The following TMTC1 variants were observed in gnomAD, a reference collection of about 807,000 sequenced individuals.
TMTC1 encodes the protein transmembrane O-mannosyltransferase targeting cadherins 1, also known as protein O-mannosyl-transferase TMTC1.
In TMTC1, 73 loss-of-function variants were observed where a neutral mutation model predicts 104.8. That is an observed-to-expected ratio of 0.70 (90% CI 0.58 to 0.85). The LOEUF is 0.85. Among genes scored for constraint, TMTC1 ranks in the 40% least tolerant of loss-of-function variants. TMTC1 has a pLI of 0.00. For missense variants in TMTC1, 1,035 were observed against 1,096.1 expected (o/e 0.94, Z 0.79); for synonymous variants, 434 against 428.7 (o/e 1.01, Z -0.15).
intron 5 of TMTC1, among the ~76,000 whole-genome samples, chr12:29,647,521 G>A (rs925783474): frequency 6.6e-6 from 1 of 152,170 alleles, no homozygotes; most frequent in Non-Finnish European, 1.5e-5. Context: ...GCAACATAGA[G>A]TCCTAGGCTG....
chr12:29,562,679 C>A (rs1945407036), intron 9 of TMTC1, among the ~76,000 whole-genome samples: 1 of 152,140 alleles, frequency 6.6e-6, no homozygotes, highest in Admixed American at 6.5e-5. Flanking sequence ...GAATTCATGT[C>A]TGTGCTTTAG....
intron 5 of TMTC1, among the ~76,000 whole-genome samples, chr12:29,669,640 T>TA (rs1213776113): frequency 6.6e-6 from 1 of 152,210 alleles, no homozygotes; most frequent in Non-Finnish European, 1.5e-5. Flanking sequence ...AAGCATGTGT[T>TA]ACGTTTACTT....
In TMTC1 at chr12:29,679,884, T is replaced by C. The variant is rs189782077; in HGVS notation, c.939-46548A>G. On this transcript the variant is annotated intron_variant, in intron 5 of 17. Transcript: ENST00000539277. ...TATTATGAAATAAAAGAAAAAAACATGAAACAAATGATCCATAATCATAAA... is the reference window on the plus strand; with the variant it reads ...TATTATGAAATAAAAGAAAAAAACACGAAACAAATGATCCATAATCATAAA... 7.4e-4 allele frequency among the ~76,000 whole-genome samples: 113 copies of C among 152,170 alleles called. 1 individual carries two copies. The Middle Eastern group carries it at 0.027, about 37-fold the overall frequency.
intron 6 of TMTC1, 56 bp downstream of exon 6, chr12:29,633,091 A>G: frequency 6.7e-7 from 1 of 1,493,524 alleles, no homozygotes. Flanking sequence ...AGAACATTAT[A>G]GGCATAGAAT....
At chr12:29,644,902 C>T (rs963497769) in intron 5 of TMTC1, among the ~76,000 whole-genome samples, 10 of 152,164 alleles carry the variant, frequency 6.6e-5, no homozygotes, top group Non-Finnish European at 1.3e-4. Context: ...TCCTTCAGGT[C>T]CCAAAGCAGA....
At chr12:29,727,528 C>A (rs1051015614) in intron 5 of TMTC1, among the ~76,000 whole-genome samples, 1 of 152,050 alleles carries the variant, frequency 6.6e-6, no homozygotes, top group African/African-American at 2.4e-5. Context: ...AGGCACCCAC[C>A]ACCACGCCTG....
chr12:29,617,366 C>T (rs907638426), intron 6 of TMTC1, among the ~76,000 whole-genome samples: 1 of 152,094 alleles, frequency 6.6e-6, no homozygotes, highest in Admixed American at 6.5e-5. Context: ...ATTATTCATT[C>T]GTTCAACAGA....
At position 29,719,334 on chromosome 12, in the gene TMTC1, CT is replaced by C. The variant is rs200395775; in HGVS notation, c.938+32331del. Among the ~76,000 whole-genome samples the C allele has an allele frequency of 8.1e-3, 1,238 of 152,242 alleles. 9 individuals are homozygous for C. The highest frequency in any genetic ancestry group is 0.024 in the Middle Eastern group (7 of 294). On this transcript the variant is annotated intron_variant, in intron 5 of 17. Transcript: ENST00000539277. ...TCTTGGAATTTCTTCTTTGTGAATACTTGGATGCCTGGGTTGCATTATATGA... is the reference window on the plus strand; with the variant it reads ...TCTTGGAATTTCTTCTTTGTGAATACTGGATGCCTGGGTTGCATTATATGA...
At chr12:29,737,544 C>T (rs1942713073) in intron 5 of TMTC1, among the ~76,000 whole-genome samples, 1 of 151,930 alleles carries the variant, frequency 6.6e-6, no homozygotes, top group Admixed American at 6.6e-5. Context: ...AAAAAAAGGG[C>T]GGCGGGAGGG....
At position 29,584,735 on chromosome 12, in the gene TMTC1, C is replaced by T. The variant is rs1321107397; in HGVS notation, c.1251-1161G>A. On this transcript the variant is annotated intron_variant, in intron 7 of 17. Transcript: ENST00000539277. ...ATAGTTTGCTGAGAATGATGGTTTCCAGCTTCATCCATGTCCCTACAAAGG... is the reference window on the plus strand; with the variant it reads ...ATAGTTTGCTGAGAATGATGGTTTCTAGCTTCATCCATGTCCCTACAAAGG... 2.0e-5 allele frequency among the ~76,000 whole-genome samples: 3 copies of T among 151,940 alleles called. No homozygotes were observed. In the East Asian group the frequency reaches 5.8e-4, roughly 29 times the overall value.
At chr12:29,589,514 C>T (rs1185962850) in intron 7 of TMTC1, among the ~76,000 whole-genome samples, 1 of 152,178 alleles carries the variant, frequency 6.6e-6, no homozygotes, top group East Asian at 1.9e-4. Context: ...TTCCTGTGTT[C>T]CTAACACCTC....
rs929314982 is a variant in TMTC1 at position 29,715,256 on chromosome 12, G to A, written c.938+36410C>T. Among the ~76,000 whole-genome samples the A allele has an allele frequency of 3.3e-5, 5 of 151,954 alleles. No individual in the cohort carries two copies. The East Asian group carries it at 5.8e-4, about 18-fold the overall frequency. ...ATGAAAGACCAATGAGTCATTTTTT[G>A]GCACATAATCCAAAAAAGTTCAAAG... On this transcript the variant is annotated intron_variant, in intron 5 of 17. Transcript: ENST00000539277.
At chr12:29,747,575 G>A (rs1942986195) in intron 5 of TMTC1, among the ~76,000 whole-genome samples, 1 of 152,138 alleles carries the variant, frequency 6.6e-6, no homozygotes, top group African/African-American at 2.4e-5. Flanking sequence ...ATATGACTAT[G>A]TCCTAATAGT....
chr12:29,510,816 A>G (rs1943813077), intron 17 of TMTC1, among the ~76,000 whole-genome samples: 1 of 152,220 alleles, frequency 6.6e-6, no homozygotes, highest in Non-Finnish European at 1.5e-5. Context: ...CTCTGCTCAA[A>G]GTCCTCCAAA....
At chr12:29,747,155 C>T (rs74651217) in intron 5 of TMTC1, among the ~76,000 whole-genome samples, 10,902 of 152,100 alleles carry the variant, frequency 0.072, 619 homozygotes, top group East Asian at 0.25. Flanking sequence ...TGTGTATATA[C>T]TTGATATATA....
Position 29,512,391 on chromosome 12 carries a change from A to G in TMTC1, c.2431-271T>C, listed in dbSNP as rs11050261. Among the ~76,000 whole-genome samples the G allele has an allele frequency of 4.0e-3, 603 of 152,316 alleles. 5 individuals carry two copies. The highest frequency in any genetic ancestry group is 0.012 in the African/African-American group (509 of 41,554). ...GCAGGGAATTCAGGTGATTTCTATT[A>G]TATCACATCATTTTTAACTGGCCTT... On this transcript the variant is annotated intron_variant, in intron 16 of 17. Transcript: ENST00000539277.
chr12:29,613,525 A>G (rs1946900150), intron 6 of TMTC1, among the ~76,000 whole-genome samples: 1 of 152,206 alleles, frequency 6.6e-6, no homozygotes. Flanking sequence ...ACAGAATCCT[A>G]GGTCAAGAAC....
intron 11 of TMTC1, chr12:29,532,713 G>T (rs1053678556): frequency 6.6e-6 from 1 of 151,904 alleles, no homozygotes; most frequent in Non-Finnish European, 1.5e-5. Context: ...TATGAATAAA[G>T]GATGTATACG....
intron 10 of TMTC1, among the ~76,000 whole-genome samples, chr12:29,554,088 T>C (rs577432312): frequency 2.6e-5 from 4 of 152,322 alleles, no homozygotes; most frequent in Admixed American, 2.6e-4. Flanking sequence ...AGTACGTTAT[T>C]TGGGCTCTTA....
Sources: allele counts gnomAD v4.1 joint callset (sites outside exome capture counted in the v4.1 genomes callset), GRCh38; gene constraint gnomAD v4.1.1; transcripts MANE v1.5; gene names NCBI Gene and HGNC (gene_info 2026-07-23, HGNC 2026-07-21).